Variants in ZNF362 observed in about 807,000 individuals in gnomAD.
The protein encoded by ZNF362 is zinc finger protein 362, also known as rotund homolog.
ZNF362 carries 11 observed loss-of-function variants against 42.9 expected under a neutral mutation model. The ratio of observed to expected loss-of-function variants is 0.26; its 90% CI spans 0.16 to 0.42. The LOEUF is 0.42. Ranked by LOEUF, ZNF362 falls within the 20% of genes least tolerant of loss-of-function variation. The pLI, the probability that ZNF362 is intolerant of heterozygous loss-of-function variation, is 1.00. For missense variants in ZNF362, 362 were observed against 576.2 expected (o/e 0.63, Z 3.81); for synonymous variants, 255 against 257.3 (o/e 0.99, Z 0.09).
At chr1:33,235,407 G>A in the ZNF362 span, among the ~76,000 whole-genome samples, 1 of 152,146 alleles carries the variant, frequency 6.6e-6, no homozygotes, top group Admixed American at 6.5e-5. Context: ...GCCAGGAGAA[G>A]GAAACAGATA....
At chr1:33,229,526 C>T in the ZNF362 span, among the ~76,000 whole-genome samples, 5 of 151,834 alleles carry the variant, frequency 3.3e-5, no homozygotes, top group African/African-American at 9.7e-5. Context: ...CCTGCCTCAG[C>T]CTCCTGAGTA....
chr1:33,258,085 T>G (rs1167475074), intron 1 of ZNF362, among the ~76,000 whole-genome samples: 3 of 152,220 alleles, frequency 2.0e-5, no homozygotes, highest in Admixed American at 6.5e-5. Context: ...GTAGTCTGGT[T>G]TGCTAGACCT....
chr1:33,132,576 T>C, the ZNF362 span, among the ~76,000 whole-genome samples: 1 of 152,228 alleles, frequency 6.6e-6, no homozygotes, highest in African/African-American at 2.4e-5. Context: ...AGGCTCCCCC[T>C]AACCTTCCTC....
the ZNF362 span, among the ~76,000 whole-genome samples, chr1:33,128,816 A>T: frequency 6.6e-6 from 1 of 152,254 alleles, no homozygotes; most frequent in Non-Finnish European, 1.5e-5. Context: ...CTACTTATGG[A>T]AAAATCAGTA....
intron 6 of ZNF362, among the ~76,000 whole-genome samples, chr1:33,287,587 ACT>A: frequency 6.6e-6 from 1 of 152,170 alleles, no homozygotes; most frequent in South Asian, 2.1e-4. Context: ...AGACAGAGTG[ACT>A]CTGGATTTGT....
chr1:33,250,431 T>C, the ZNF362 span, among the ~76,000 whole-genome samples: 1 of 152,214 alleles, frequency 6.6e-6, no homozygotes, highest in Non-Finnish European at 1.5e-5. Flanking sequence ...ACCATGTCCT[T>C]TGTATGGACA....
chr1:33,280,136 C>A lies in ZNF362; in HGVS notation c.362C>A (p.Ser121Tyr), dbSNP rs1645980920. The A allele has an allele frequency of 6.3e-7, 1 of 1,576,294 alleles. No homozygotes were observed. ...ATSTVTGLGLSTRTPSVSTSE... is the reference protein window; with the variant it reads ...ATSTVTGLGLYTRTPSVSTSE... ...CCTGTCTTCGCAGGTCTGGGGCTGT[C>A]CACCCGGACCCCGTCTGTGAGCACT... is the stretch of plus-strand genomic sequence containing the variant. The change falls in exon 5 of 9, where the codon TCC becomes TAC. Residue 121 changes from serine to tyrosine, a missense_variant. Transcript: ENST00000539719. This position sits in a 1 kb window ranked among gnomAD's most constrained non-coding sequence, Gnocchi z 5.6.
chr1:33,162,267 A>T, the ZNF362 span, among the ~76,000 whole-genome samples: 5 of 152,230 alleles, frequency 3.3e-5, no homozygotes, highest in East Asian at 9.7e-4. Context: ...TTACCTCCCT[A>T]GCGCCACTGC....
chr1:33,248,317 C>T, the ZNF362 span, among the ~76,000 whole-genome samples: 1 of 152,224 alleles, frequency 6.6e-6, no homozygotes, highest in African/African-American at 2.4e-5. Flanking sequence ...CTGCCCATTT[C>T]ACTGCTATCT....
intron 8 of ZNF362, among the ~76,000 whole-genome samples, chr1:33,297,120 AGAG>A (rs946363916): frequency 1.3e-5 from 2 of 152,128 alleles, no homozygotes; most frequent in African/African-American, 4.8e-5. Context: ...TTCAAAGGGC[AGAG>A]GAGGGTCAGG....
the ZNF362 span, among the ~76,000 whole-genome samples, chr1:33,233,656 G>A: frequency 1.3e-5 from 2 of 152,056 alleles, no homozygotes; most frequent in Admixed American, 6.6e-5. Context: ...AGCCTGCCTC[G>A]GCCTCCCAAA....
At chr1:33,282,948 T>C (rs1646006852) in intron 6 of ZNF362, among the ~76,000 whole-genome samples, 1 of 152,160 alleles carries the variant, frequency 6.6e-6, no homozygotes, top group Non-Finnish European at 1.5e-5. Flanking sequence ...GCAGTCCCTC[T>C]GTTCAGAGGG....
At chr1:33,188,473 C>T in the ZNF362 span, among the ~76,000 whole-genome samples, 1 of 152,172 alleles carries the variant, frequency 6.6e-6, no homozygotes, top group South Asian at 2.1e-4. Context: ...GAGAGTGCTG[C>T]TGATCATGAC....
At chr1:33,276,228 T>G in intron 3 of ZNF362, 65 bp downstream of exon 3, 1 of 1,603,968 alleles carries the variant, frequency 6.2e-7, no homozygotes, top group Non-Finnish European at 8.5e-7. Context: ...TCCCCTGGGT[T>G]TTGGCTGTGG....
chr1:33,275,028 A>G (rs1645933242), intron 2 of ZNF362: 42 of 985,326 alleles, frequency 4.3e-5, no homozygotes, highest in Non-Finnish European at 5.1e-5. Flanking sequence ...AGAATCAGGA[A>G]AAGAGGTTGA....
the ZNF362 span, among the ~76,000 whole-genome samples, chr1:33,150,525 T>C: frequency 6.6e-6 from 1 of 152,238 alleles, no homozygotes; most frequent in Non-Finnish European, 1.5e-5. Flanking sequence ...GAGGGCTGTA[T>C]GGAAGTAATT....
At chr1:33,140,112 A>G in the ZNF362 span, among the ~76,000 whole-genome samples, 44,355 of 151,804 alleles carry the variant, frequency 0.29, 6,777 homozygotes, top group African/African-American at 0.38. The surrounding 1 kb of genome is among the most constrained non-coding windows in gnomAD (Gnocchi z 4.0). Flanking sequence ...AAGAGGAAAG[A>G]GGGGAGAGAG....
Position 33,280,347 on chromosome 1 carries a change from A to G in ZNF362, c.573A>G (p.Glu191=). 6.2e-7 allele frequency: 1 copy of G among 1,613,928 alleles called. No homozygotes were observed. The highest frequency in any genetic ancestry group is 8.5e-7 in the Non-Finnish European group (1 of 1,179,922). The part of the protein sequence containing the change: ...GHGLLGPPKS[E]RGRKKIKAEN... The stretch of plus-strand genomic sequence containing the variant: ...GCCTGCTTGGCCCCCCCAAGTCCGA[A>G]CGCGGCCGCAAAAAGATCAAGGCGG... Residue 191 remains glutamate, a synonymous_variant, in exon 5 of 9, where the codon GAA becomes GAG. Coordinates refer to ENST00000539719, the MANE Select transcript of ZNF362 (RefSeq NM_152493.3). This position sits in a 1 kb window ranked among gnomAD's most constrained non-coding sequence, Gnocchi z 5.6.
chr1:33,185,790 C>G, the ZNF362 span, among the ~76,000 whole-genome samples: 13 of 151,690 alleles, frequency 8.6e-5, no homozygotes, highest in Non-Finnish European at 1.6e-4. Context: ...GGAAAGCTAT[C>G]CAAGAGCTAT....
Sources: gnomAD v4.1 joint callset for allele counts (sites outside exome capture counted in the v4.1 genomes callset) on GRCh38, gnomAD v4.1.1 for gene constraint, Gnocchi (gnomAD v3.1) non-coding constraint, MANE v1.5 for transcripts, NCBI Gene and HGNC (gene_info 2026-07-23, HGNC 2026-07-21) for gene names.